Variants in OTUD6B observed in about 807,000 individuals in gnomAD.
OTUD6B encodes deubiquitinase OTUD6B.
OTUD6B carries 41 observed loss-of-function variants against 36.9 expected under a neutral mutation model. The ratio of observed to expected loss-of-function variants is 1.11; its 90% CI spans 0.87 to 1.44. The LOEUF is 1.44. Ranked by LOEUF, OTUD6B falls within the 40% of genes most tolerant of loss-of-function variation. The probability of loss-of-function intolerance (pLI) is 0.00; values close to 1 mark genes in which losing one functional copy is unlikely to be tolerated. For synonymous variants in OTUD6B, 114 were observed against 114.2 expected (o/e 1.00, Z 0.01); for missense variants, 356 against 344.8 (o/e 1.03, Z -0.26).
At chr8:91,077,925 A>G (rs1466409746) in intron 3 of OTUD6B, among the ~76,000 whole-genome samples, 2 of 152,008 alleles carry the variant, frequency 1.3e-5, no homozygotes, top group Admixed American at 1.3e-4. Flanking sequence ...GTCTGCCTGT[A>G]CCCTTTTAAA....
Position 91,075,765 on chromosome 8 carries a change from A to G in OTUD6B, c.315+1854A>G, listed in dbSNP as rs925092758. On this transcript the variant is annotated intron_variant, in intron 3 of 6. Coordinates refer to ENST00000404789, the MANE Select transcript of OTUD6B (RefSeq NM_016023.5). ...ATGGAACCTGAAGTCAGGATGCACA[A>G]TCGGGTGTTAGATTATTTGGAACCT... Among the ~76,000 whole-genome samples, 12 of 152,210 alleles carry G rather than the reference A, an allele frequency of 7.9e-5. No homozygotes were observed. The East Asian group carries it at 2.3e-3, about 29-fold the overall frequency.
chr8:91,078,886 A>G, intron 4 of OTUD6B: 1 of 399,412 alleles, frequency 2.5e-6, no homozygotes, highest in Non-Finnish European at 4.4e-6. Context: ...TGTAATTATA[A>G]TATGCTAATC....
At position 91,080,734 on chromosome 8, in the gene OTUD6B, A is replaced by C; in HGVS notation, c.690+4A>C. 1 of 1,590,860 alleles carries C rather than the reference A, an allele frequency of 6.3e-7. No homozygotes were observed. The highest frequency in any genetic ancestry group is 8.6e-7 in the Non-Finnish European group (1 of 1,165,536). On this transcript the variant is annotated splice_donor_region_variant and intron_variant, in intron 5 of 6. Transcript: ENST00000404789. ...TGCATGGGGAGGTCAGCTTGAGGTA[A>C]GTTTGTAGTTATTCATAGTGATTGT...
intron 2 of OTUD6B, 58 bp downstream of exon 2, chr8:91,071,347 T>A: frequency 7.5e-7 from 1 of 1,339,868 alleles, no homozygotes; most frequent in Non-Finnish European, 1.0e-6. Context: ...TGTCCACTTC[T>A]GTTAAATGTT....
intron 5 of OTUD6B, among the ~76,000 whole-genome samples, 169 bp downstream of exon 5, chr8:91,080,899 G>A (rs1416404533): frequency 2.0e-5 from 3 of 152,176 alleles, no homozygotes; most frequent in Middle Eastern, 3.4e-3. Flanking sequence ...ACATGATTAG[G>A]TCTGTGATTA....
chr8:91,086,649 C>G lies in OTUD6B; in HGVS notation c.*1781C>G, dbSNP rs1204797073. Reference sequence around the variant, plus strand: ...GGCAGCTTTATTCTTTTTTTCCTTACAAGATTTAGAATCTTTTTGGTTATA... The same window carrying G: ...GGCAGCTTTATTCTTTTTTTCCTTAGAAGATTTAGAATCTTTTTGGTTATA... On this transcript the variant is annotated 3_prime_UTR_variant, in exon 7 of 7. Coordinates refer to ENST00000404789, the MANE Select transcript of OTUD6B (RefSeq NM_016023.5). The G allele has an allele frequency of 6.6e-6, 1 of 151,908 alleles. No individual in the cohort carries two copies. Among genetic ancestry groups the G allele is most frequent in the Non-Finnish European group, 1.5e-5 (1 of 67,922 alleles). The allele number at this position is 151,908 out of a possible 1,614,324, so 9.4% of individuals were successfully genotyped here.
Position 91,078,649 on chromosome 8 carries a change from A to G in OTUD6B, c.609A>G (p.Thr203=). 1.3e-6 allele frequency: 2 copies of G among 1,579,082 alleles called. No homozygotes were observed. The highest frequency in any genetic ancestry group is 8.6e-7 in the Non-Finnish European group (1 of 1,160,478). Residue 203 remains threonine (T), a synonymous_variant, in exon 4 of 7, where the codon ACA becomes ACG. Coordinates refer to ENST00000404789, the MANE Select transcript of OTUD6B (RefSeq NM_016023.5). ...TGCCATTTTTAACAAACCCTAATAC[A>G]GGAGATATGTATACTCCAGGTAATT... ...DFLPFLTNPN[T]GDMYTPEEFQ...
chr8:91,081,874 A>G (rs1307356358), intron 5 of OTUD6B, among the ~76,000 whole-genome samples: 1 of 152,208 alleles, frequency 6.6e-6, no homozygotes, highest in Non-Finnish European at 1.5e-5. Context: ...GGAAATGTTC[A>G]TAGTAGCTTT....
rs1812749357 is a variant in OTUD6B at position 91,073,812 on chromosome 8, T to C, written c.235-19T>C. 1.3e-6 allele frequency: 2 copies of C among 1,554,648 alleles called. No homozygotes were observed. The highest frequency in any genetic ancestry group is 4.7e-5 in the East Asian group (2 of 42,332). Reference sequence around the variant, plus strand: ...TTTAATAAGTACATTGACTTGTTAATGCTTTTTGTTTCCTTCAGATAGATT... The same window carrying C: ...TTTAATAAGTACATTGACTTGTTAACGCTTTTTGTTTCCTTCAGATAGATT... On this transcript the variant is annotated intron_variant, in intron 2 of 6. Coordinates refer to ENST00000404789, the MANE Select transcript of OTUD6B (RefSeq NM_016023.5).
intron 3 of OTUD6B, among the ~76,000 whole-genome samples, chr8:91,075,370 C>G (rs1316101713): frequency 6.6e-6 from 1 of 151,932 alleles, no homozygotes; most frequent in African/African-American, 2.4e-5. Context: ...AGTAGCATAA[C>G]AAAACATTGG....
intron 6 of OTUD6B, 25 bp from the exon 7 acceptor site, chr8:91,084,759 C>T: frequency 1.4e-6 from 2 of 1,435,272 alleles, no homozygotes. Context: ...CAAAACTACT[C>T]ATTTCTTTTT....
chr8:91,076,551 A>T (rs1812806428), intron 3 of OTUD6B: 1 of 1,526,908 alleles, frequency 6.5e-7, no homozygotes, highest in Non-Finnish European at 8.8e-7. Context: ...TGACATCATT[A>T]ACTCCAGCTC....
intron 5 of OTUD6B, among the ~76,000 whole-genome samples, chr8:91,083,616 TC>T (rs1324561069): frequency 6.6e-6 from 1 of 152,192 alleles, no homozygotes; most frequent in Non-Finnish European, 1.5e-5. Context: ...AGGTCACAGT[TC>T]AAACTTAGTT....
In OTUD6B at chr8:91,084,775, T is replaced by A. The variant is rs567139046; in HGVS notation, c.798-9T>A. On this transcript the variant is annotated splice_polypyrimidine_tract_variant and intron_variant, in intron 6 of 6. Transcript: ENST00000404789. Reference sequence around the variant, plus strand: ...AAAACTACTCATTTCTTTTTTTTTTTAATTTCAGATATATGAGACATGCAT... The same window carrying A: ...AAAACTACTCATTTCTTTTTTTTTTAAATTTCAGATATATGAGACATGCAT... The A allele has an allele frequency of 1.2e-5, 18 of 1,504,892 alleles. No individual in the cohort carries two copies. Among genetic ancestry groups the A allele is most frequent in the East Asian group, 9.5e-5 (4 of 42,300 alleles). The allele number at this position is 1,504,892 out of a possible 1,614,324, so 93.2% of individuals were successfully genotyped here. A position where few individuals can be genotyped will look rare whatever the true frequency, so the allele number is the denominator to read the frequency against.
intron 5 of OTUD6B, 89 bp from the exon 6 acceptor site, chr8:91,083,919 T>C: frequency 6.6e-7 from 1 of 1,517,398 alleles, no homozygotes; most frequent in Non-Finnish European, 8.8e-7. Flanking sequence ...ACACAGCGTA[T>C]CCCTGCTCTG....
chr8:91,074,629 TGG>T (rs1388215360), intron 3 of OTUD6B, among the ~76,000 whole-genome samples: 3 of 152,080 alleles, frequency 2.0e-5, no homozygotes, highest in Non-Finnish European at 4.4e-5. Flanking sequence ...ATCAGCATTA[TGG>T]AAATGAGATT....
intron 2 of OTUD6B, among the ~76,000 whole-genome samples, chr8:91,072,175 A>G (rs148957204): frequency 7.9e-5 from 12 of 152,338 alleles, no homozygotes; most frequent in Non-Finnish European, 1.0e-4. Context: ...TTTGGTTTAT[A>G]TGTATTATCT....
In OTUD6B at chr8:91,073,714, TATC is replaced by T. The variant is rs1161886190; in HGVS notation, c.235-116_235-114del. On this transcript the variant is annotated intron_variant, in intron 2 of 6. Transcript: ENST00000404789. ...ATAGAAACAGGAGACAAAACCATAT[TATC>T]TAATACAGTGTCTATTGCTGTTACT... 18 of 1,261,136 alleles carry T rather than the reference TATC, an allele frequency of 1.4e-5. No individual in the cohort carries two copies. The African/African-American group carries it at 2.8e-4, about 19-fold the overall frequency. 78.1% of individuals were successfully genotyped at this position (1,261,136 alleles called of 1,614,324 possible). A position where few individuals can be genotyped will look rare whatever the true frequency, so the allele number is the denominator to read the frequency against.
At chr8:91,083,460 A>G (rs1812946825) in intron 5 of OTUD6B, among the ~76,000 whole-genome samples, 3 of 152,134 alleles carry the variant, frequency 2.0e-5, no homozygotes, top group South Asian at 4.1e-4. Context: ...TTGTGCAGGC[A>G]GGGCTTGAGC....
Sources: gnomAD v4.1 joint callset for allele counts (sites outside exome capture counted in the v4.1 genomes callset) on GRCh38, gnomAD v4.1.1 for gene constraint, MANE v1.5 for transcripts, NCBI Gene and HGNC (gene_info 2026-07-23, HGNC 2026-07-21) for gene names.